SAMMSON: variants seen among roughly 807,000 people sequenced by gnomAD.
SAMMSON encodes survival associated mitochondrial melanoma specific oncogenic non-coding RNA, also known as long intergenic non-protein coding RNA 1212.
intron 9 of SAMMSON, among the ~76,000 whole-genome samples, chr3:70,382,135 A>T (rs536572646): frequency 3.9e-5 from 6 of 152,302 alleles, no homozygotes; most frequent in Admixed American, 1.3e-4. Flanking sequence ...GACAATCTTC[A>T]TTCTCAGTAA....
intron 4 of SAMMSON, among the ~76,000 whole-genome samples, chr3:70,079,994 T>C (rs2067262245): frequency 6.6e-6 from 1 of 152,196 alleles, no homozygotes; most frequent in South Asian, 2.1e-4. Flanking sequence ...CAATTTATGC[T>C]CCCGAATGCC....
chr3:70,013,768 A>C (rs2066968855), intron 3 of SAMMSON: 1 of 152,196 alleles, frequency 6.6e-6, no homozygotes, highest in Admixed American at 6.6e-5. Context: ...ATAGGTGTGG[A>C]TTATTCAACC....
chr3:70,366,192 T>G (rs1435545902), intron 9 of SAMMSON, among the ~76,000 whole-genome samples: 1 of 85,052 alleles, frequency 1.2e-5, no homozygotes, highest in African/African-American at 4.3e-5. Context: ...GGGTTTCACC[T>G]TGTTAGCCAG....
At chr3:70,350,298 T>G (rs1318568735) in intron 7 of SAMMSON, among the ~76,000 whole-genome samples, 2 of 152,198 alleles carry the variant, frequency 1.3e-5, no homozygotes, top group Non-Finnish European at 2.9e-5. Context: ...AATAACCTTT[T>G]TTTGCATGTA....
intron 9 of SAMMSON, among the ~76,000 whole-genome samples, chr3:70,386,387 G>A (rs1703123020): frequency 6.6e-6 from 1 of 151,890 alleles, no homozygotes; most frequent in African/African-American, 2.4e-5. Flanking sequence ...TGCTGTCCAG[G>A]TTATATCTCA....
chr3:70,267,296 A>G (rs979621206), intron 6 of SAMMSON, among the ~76,000 whole-genome samples: 2 of 151,932 alleles, frequency 1.3e-5, no homozygotes, highest in East Asian at 1.9e-4. Context: ...TATTTCTACC[A>G]TATTCTAAAA....
At position 70,276,895 on chromosome 3, in the gene SAMMSON, GTTTATGTTCTCAAC is replaced by G. The variant is rs1197491411; in HGVS notation, n.675-14282_675-14269del. Among the ~76,000 whole-genome samples the G allele has an allele frequency of 2.3e-4, 35 of 152,158 alleles. 1 individual carries two copies. The South Asian group carries it at 6.2e-3, about 27-fold the overall frequency. The stretch of plus-strand genomic sequence containing the variant: ...GTTTTGTCAAATTACACTCCAGAAA[GTTTATGTTCTCAAC>G]TGTAATCAGTGAGAAATCCTCACAT... On this transcript the variant is annotated intron_variant and non_coding_transcript_variant, in intron 6 of 9. Coordinates refer to ENST00000642114, the Ensembl canonical transcript of SAMMSON.
intron 4 of SAMMSON, chr3:70,126,502 C>T: frequency 1.6e-6 from 1 of 628,462 alleles, no homozygotes. Flanking sequence ...CAGCGGTCAG[C>T]TCAGCTGGCA....
intron 4 of SAMMSON, among the ~76,000 whole-genome samples, chr3:70,231,887 G>T (rs2106745183): frequency 6.6e-6 from 1 of 152,302 alleles, no homozygotes; most frequent in African/African-American, 2.4e-5. Flanking sequence ...GTGTGTGTGT[G>T]CATGTGTGTC....
At chr3:70,152,995 T>C (rs767257037) in intron 4 of SAMMSON, among the ~76,000 whole-genome samples, 11 of 152,064 alleles carry the variant, frequency 7.2e-5, no homozygotes, top group Non-Finnish European at 1.3e-4. Context: ...AAGTGTCTCA[T>C]GCGATGCGTA....
intron 6 of SAMMSON, among the ~76,000 whole-genome samples, chr3:70,286,039 C>G (rs1295326916): frequency 6.6e-6 from 1 of 151,994 alleles, no homozygotes; most frequent in Non-Finnish European, 1.5e-5. Flanking sequence ...GTTTCTTTTG[C>G]TGTGCAGAAG....
chr3:70,338,624 C>T (rs1283413968), intron 7 of SAMMSON, among the ~76,000 whole-genome samples: 1 of 152,098 alleles, frequency 6.6e-6, no homozygotes, highest in East Asian at 1.9e-4. Flanking sequence ...AACAGAGAGC[C>T]AAATCATGAG....
chr3:70,053,098 A>G (rs1029499384), intron 3 of SAMMSON, among the ~76,000 whole-genome samples: 1 of 152,294 alleles, frequency 6.6e-6, no homozygotes, highest in Non-Finnish European at 1.5e-5. Flanking sequence ...TGGAATTTGC[A>G]GTTCCCTTCA....
chr3:70,023,064 C>A (rs993345574), intron 3 of SAMMSON, among the ~76,000 whole-genome samples: 1 of 152,280 alleles, frequency 6.6e-6, no homozygotes, highest in African/African-American at 2.4e-5. Context: ...ATTGCAAAAT[C>A]TCACCTCATC....
chr3:70,000,057 C>G (rs1463837302), intron 1 of SAMMSON, among the ~76,000 whole-genome samples: 1 of 152,208 alleles, frequency 6.6e-6, no homozygotes, highest in Non-Finnish European at 1.5e-5. Flanking sequence ...TCCGGGGATA[C>G]AGAAAGCCCT....
intron 2 of SAMMSON, among the ~76,000 whole-genome samples, chr3:70,402,642 A>C (rs1701149238): frequency 6.6e-6 from 1 of 152,166 alleles, no homozygotes. Flanking sequence ...TGGGCGGACC[A>C]CCTGAGGTCA....
At chr3:70,259,627 C>T (rs1701847201) in intron 6 of SAMMSON, among the ~76,000 whole-genome samples, 1 of 152,170 alleles carries the variant, frequency 6.6e-6, no homozygotes, top group Admixed American at 6.6e-5. Flanking sequence ...ACCATCTCTA[C>T]ACCCTGAAAG....
chr3:70,029,391 G>T (rs1234552704), intron 3 of SAMMSON, among the ~76,000 whole-genome samples: 1 of 152,140 alleles, frequency 6.6e-6, no homozygotes, highest in African/African-American at 2.4e-5. Context: ...TCTTCTCTCT[G>T]TTGAGAGCTA....
intron 3 of SAMMSON, among the ~76,000 whole-genome samples, chr3:70,033,649 C>T (rs2067074238): frequency 6.6e-6 from 1 of 152,092 alleles, no homozygotes; most frequent in Admixed American, 6.6e-5. Flanking sequence ...GACCAGAAGT[C>T]AGGCAGTTAT....
Sources: allele counts gnomAD v4.1 joint callset (sites outside exome capture counted in the v4.1 genomes callset), GRCh38; gene constraint gnomAD v4.1.1; transcripts MANE v1.5; gene names NCBI Gene and HGNC (gene_info 2026-07-23, HGNC 2026-07-21).